The following AMDHD1 variants were observed in gnomAD, a reference collection of about 807,000 sequenced individuals.
The protein encoded by AMDHD1 is probable imidazolonepropionase.
In AMDHD1, 45 loss-of-function variants were observed where a neutral mutation model predicts 44.1. The observed-to-expected ratio is 1.02, with a 90% CI of 0.80 to 1.31. AMDHD1 has a LOEUF of 1.31. AMDHD1 is among the 50% of genes most tolerant of loss of function. The pLI, the probability that AMDHD1 is intolerant of heterozygous loss-of-function variation, is 0.00. For missense variants in AMDHD1, 586 were observed against 552.1 expected (o/e 1.06, Z -0.61); for synonymous variants, 206 against 205.0 (o/e 1.00, Z -0.04).
intron 1 of AMDHD1, among the ~76,000 whole-genome samples, chr12:95,945,325 G>T (rs533304847): frequency 6.6e-6 from 1 of 152,190 alleles, no homozygotes; most frequent in Non-Finnish European, 1.5e-5. Context: ...CAGTTTGTTG[G>T]ATTTATTACA....
Position 95,966,347 on chromosome 12 carries a change from G to A in AMDHD1, c.1033-1G>A. ...CCAACACTTTTCTCTTCCTGCCTTA[G>A]CCAATGGTCATGCATCTGGCCTGTG... On this transcript the variant is annotated splice_acceptor_variant, in intron 7 of 8. Transcript: ENST00000266736. LOFTEE classifies it high-confidence loss of function. 6.2e-7 allele frequency: 1 copy of A among 1,613,936 alleles called. No homozygotes were observed. The highest frequency in any genetic ancestry group is 8.5e-7 in the Non-Finnish European group (1 of 1,179,936).
chr12:95,948,558 A>C (rs1308012411), intron 1 of AMDHD1, among the ~76,000 whole-genome samples: 6 of 68,798 alleles, frequency 8.7e-5, no homozygotes, highest in Admixed American at 3.1e-4. Context: ...GTCAGCCCCC[A>C]CCGCCCAGCC....
chr12:95,944,474 T>C (rs1180710717), intron 1 of AMDHD1, among the ~76,000 whole-genome samples: 1 of 151,822 alleles, frequency 6.6e-6, no homozygotes, highest in East Asian at 1.9e-4. Flanking sequence ...TGATCTTGGC[T>C]CCACCTCCCA....
At chr12:95,962,052 G>T (rs1462163597) in intron 5 of AMDHD1, among the ~76,000 whole-genome samples, 3 of 152,180 alleles carry the variant, frequency 2.0e-5, no homozygotes, top group South Asian at 4.1e-4. Context: ...CGGATCACGA[G>T]GTCAAGAGAT....
intron 3 of AMDHD1, 138 bp from the exon 4 acceptor site, chr12:95,956,547 C>G (rs1055414367): frequency 5.0e-6 from 6 of 1,192,796 alleles, no homozygotes; most frequent in African/African-American, 1.5e-5. Flanking sequence ...TATCCCAGCA[C>G]CTTTCTAATC....
In AMDHD1 at chr12:95,946,061, C is replaced by CTGTGTGTGTG. The variant is rs56658923; in HGVS notation, c.137+2548_137+2557dup. ...AATTAAGTTCTCTCTCTCTTTCTCT[C>CTGTGTGTGTG]TGTGTGTGTGTGTGTGTGTGTGTGT... On this transcript the variant is annotated intron_variant, in intron 1 of 8. Coordinates refer to ENST00000266736, the MANE Select transcript of AMDHD1 (RefSeq NM_152435.3). Among the ~76,000 whole-genome samples, 970 of 122,562 alleles carry CTGTGTGTGTG rather than the reference C, an allele frequency of 7.9e-3. 6 individuals are homozygous for CTGTGTGTGTG. Among genetic ancestry groups the CTGTGTGTGTG allele is most frequent in the African/African-American group, 0.025 (935 of 37,738 alleles). The allele number at this position is 122,562 out of a possible 152,430, so 80.4% of individuals were successfully genotyped here.
chr12:95,945,268 G>T (rs1215879343), intron 1 of AMDHD1, among the ~76,000 whole-genome samples: 4 of 152,162 alleles, frequency 2.6e-5, no homozygotes, highest in Non-Finnish European at 5.9e-5. Context: ...CTGACTTGTG[G>T]TCTGGAAGAT....
intron 5 of AMDHD1, among the ~76,000 whole-genome samples, chr12:95,961,009 G>C (rs1217135336): frequency 6.6e-6 from 1 of 151,968 alleles, no homozygotes; most frequent in Non-Finnish European, 1.5e-5. Flanking sequence ...AAATTAGCGT[G>C]GTGGCACGCG....
At chr12:95,962,624 A>G (rs1296671468) in intron 6 of AMDHD1, 145 bp downstream of exon 6, 6 of 993,754 alleles carry the variant, frequency 6.0e-6, no homozygotes, top group Non-Finnish European at 8.0e-6. Flanking sequence ...GAAGATGCCA[A>G]CCCTGGACTG....
chr12:95,966,222 A>G (rs560463253), intron 7 of AMDHD1, 126 bp from the exon 8 acceptor site: 1 of 1,043,480 alleles, frequency 9.6e-7, no homozygotes, highest in East Asian at 2.5e-5. Flanking sequence ...GATTTTTCCC[A>G]TTGCAACTGA....
chr12:95,956,922 G>A lies in AMDHD1; in HGVS notation c.547G>A (p.Gly183Ser), dbSNP rs181780914. The change falls in exon 4 of 9, where the codon GGC becomes AGC. Residue 183 changes from glycine to serine, a missense_variant. By Grantham distance (56) the Gly-to-Ser change is moderately conservative. Coordinates refer to ENST00000266736, the MANE Select transcript of AMDHD1 (RefSeq NM_152435.3). ...IERARRELDI[G>S]ISATYCGAHS... The stretch of plus-strand genomic sequence containing the variant: ...GCGCGCCCGGCGGGAGCTGGACATC[G>A]GCATCTCGGCTACCTACTGCGGGGC... The A allele has an allele frequency of 2.5e-5, 41 of 1,612,702 alleles. No individual in the cohort carries two copies. The highest frequency in any genetic ancestry group is 3.0e-5 in the Non-Finnish European group (35 of 1,179,932).
intron 4 of AMDHD1, among the ~76,000 whole-genome samples, chr12:95,957,242 A>G (rs1198143827): frequency 1.3e-5 from 2 of 151,688 alleles, no homozygotes; most frequent in Non-Finnish European, 1.5e-5. Context: ...AATTACACAT[A>G]TTAATTTGAA....
At position 95,965,741 on chromosome 12, in the gene AMDHD1, G is replaced by T. The variant is rs2080607052; in HGVS notation, c.994G>T (p.Gly332Ter). Residue 332 changes from glycine (G) to a stop codon, truncating the protein, a stop_gained, in exon 7 of 9, where the codon GGA (glycine) becomes TGA (stop). Transcript: ENST00000266736. LOFTEE classifies it high-confidence loss of function. Reference sequence around the variant, plus strand: ...AGATGAAGGAGTAATAGTTGCTCTGGGAAGTGATTTCAACCCCAATGCATA... The same window carrying T: ...AGATGAAGGAGTAATAGTTGCTCTGTGAAGTGATTTCAACCCCAATGCATA... ...MLDEGVIVALGSDFNPNAYCF... is the reference protein window; with the variant it reads ...MLDEGVIVAL The T allele has an allele frequency of 4.3e-6, 7 of 1,613,282 alleles. No homozygotes were observed. Among genetic ancestry groups the T allele is most frequent in the Non-Finnish European group, 5.1e-6 (6 of 1,179,776 alleles).
chr12:95,963,989 T>G (rs1175886829), intron 6 of AMDHD1, among the ~76,000 whole-genome samples: 3 of 145,088 alleles, frequency 2.1e-5, no homozygotes, highest in African/African-American at 7.6e-5. Flanking sequence ...AGATCATACC[T>G]CTGCACTTCA....
At chr12:95,961,557 G>A (rs745383364) in intron 5 of AMDHD1, among the ~76,000 whole-genome samples, 5 of 152,154 alleles carry the variant, frequency 3.3e-5, no homozygotes, top group Non-Finnish European at 5.9e-5. Flanking sequence ...CCACCTGCAT[G>A]CCTCTTAACT....
At chr12:95,962,784 T>A (rs1324045098) in intron 6 of AMDHD1, among the ~76,000 whole-genome samples, 1 of 152,236 alleles carries the variant, frequency 6.6e-6, no homozygotes, top group African/African-American at 2.4e-5. Flanking sequence ...TACTATGCAT[T>A]ACTTTTATAA....
At position 95,952,777 on chromosome 12, in the gene AMDHD1, A is replaced by C; in HGVS notation, c.198A>C (p.Glu66Asp). Residue 66 changes from glutamate (E) to aspartate (D), a missense_variant, in exon 2 of 9, where the codon GAA becomes GAC. By Grantham distance (45) the Glu-to-Asp change is conservative. Transcript: ENST00000266736. ...TTATTCAAAGACAGTTTTCTGGAGA[A>C]ACTTTTGAAGAAATAATTGACTGCT... ...ADVIQRQFSGETFEEIIDCSG... is the reference protein window; with the variant it reads ...ADVIQRQFSGDTFEEIIDCSG... The C allele has an allele frequency of 6.2e-7, 1 of 1,613,098 alleles. No individual in the cohort carries two copies. Among genetic ancestry groups the C allele is most frequent in the Non-Finnish European group, 8.5e-7 (1 of 1,179,262 alleles).
intron 1 of AMDHD1, among the ~76,000 whole-genome samples, chr12:95,951,934 G>GT (rs1262333475): frequency 3.3e-5 from 5 of 152,016 alleles, no homozygotes; most frequent in African/African-American, 7.2e-5. Flanking sequence ...AGATTATTAG[G>GT]TTTTTTCCTA....
chr12:95,957,003 T>C, intron 4 of AMDHD1, 41 bp downstream of exon 4: 2 of 1,605,770 alleles, frequency 1.2e-6, no homozygotes, highest in South Asian at 1.1e-5. Flanking sequence ...ACTCAGAGCA[T>C]TGAAAACGAA....
Sources: allele counts gnomAD v4.1 joint callset (sites outside exome capture counted in the v4.1 genomes callset), GRCh38; gene constraint gnomAD v4.1.1; transcripts MANE v1.5; gene names NCBI Gene and HGNC (gene_info 2026-07-23, HGNC 2026-07-21).